The following ZZEF1 variants were observed in gnomAD, a reference collection of about 807,000 sequenced individuals.
The protein encoded by ZZEF1 is zinc finger ZZ-type and EF-hand domain-containing protein 1.
In ZZEF1, 157 loss-of-function variants were observed where a neutral mutation model predicts 342.8. The ratio of observed to expected loss-of-function variants is 0.46; its 90% confidence interval spans 0.40 to 0.52. The LOEUF is 0.52. Ranked by LOEUF, ZZEF1 falls within the 20% of genes least tolerant of loss-of-function variation. ZZEF1 has a pLI of 0.00. For synonymous variants in ZZEF1, 1,505 were observed against 1,429.1 expected (o/e 1.05, Z -1.20); for missense variants, 3,480 against 3,725.6 (o/e 0.93, Z 1.72).
At position 4,104,802 on chromosome 17, in the gene ZZEF1, A is replaced by G. The variant is rs1197228959; in HGVS notation, c.1404T>C (p.Ser468=). ...GAAGAGTCAGTTCTACCTCTGGGGT[A>G]GAACAGCAGCTATAAGCAAAGAGCA... is the stretch of plus-strand genomic sequence containing the variant. ...SFLIRITSCC[S]TPEVELTLLA... is the part of the protein sequence containing the mutation. Residue 468 remains serine (S), a synonymous_variant, in exon 8 of 55, where the codon TCT becomes TCC. Coordinates refer to ENST00000381638, the MANE Select transcript of ZZEF1 (RefSeq NM_015113.4). The G allele has an allele frequency of 6.2e-7, 1 of 1,612,602 alleles. No individual in the cohort carries two copies. Among genetic ancestry groups the G allele is most frequent in the Non-Finnish European group, 8.5e-7 (1 of 1,179,550 alleles).
intron 6 of ZZEF1, among the ~76,000 whole-genome samples, chr17:4,107,915 G>A (rs1240440094): frequency 6.6e-6 from 1 of 152,190 alleles, no homozygotes; most frequent in Non-Finnish European, 1.5e-5. Flanking sequence ...TCTTGTGTCA[G>A]AACATATGGA....
intron 37 of ZZEF1, among the ~76,000 whole-genome samples, chr17:4,047,813 C>T (rs1471680950): frequency 1.3e-4 from 20 of 148,558 alleles, no homozygotes; most frequent in African/African-American, 4.5e-4. Flanking sequence ...TGGTGGTGGG[C>T]GCCTGTAGTC....
chr17:4,100,692 G>A (rs140211755), intron 9 of ZZEF1, among the ~76,000 whole-genome samples: 137 of 152,188 alleles, frequency 9.0e-4, no homozygotes, highest in African/African-American at 3.1e-3. Flanking sequence ...GAAATTAGCC[G>A]GGCGTGGTGG....
At chr17:4,010,016 G>A (rs556327646) in intron 52 of ZZEF1, among the ~76,000 whole-genome samples, 1 of 152,246 alleles carries the variant, frequency 6.6e-6, no homozygotes, top group East Asian at 1.9e-4. Context: ...GGGGATTACT[G>A]TGCATCTTGA....
intron 39 of ZZEF1, among the ~76,000 whole-genome samples, chr17:4,036,316 T>C (rs1452209863): frequency 6.6e-6 from 1 of 152,178 alleles, no homozygotes; most frequent in African/African-American, 2.4e-5. Flanking sequence ...CATTTAAAAA[T>C]GTTTACCAGC....
chr17:4,070,624 G>A (rs1364632800), intron 26 of ZZEF1, 60 bp downstream of exon 26: 1 of 1,540,280 alleles, frequency 6.5e-7, no homozygotes, highest in Non-Finnish European at 8.8e-7. Context: ...CTTAAGATAG[G>A]CTTTCTTAAA....
At chr17:4,047,582 G>A (rs2056946913) in intron 37 of ZZEF1, among the ~76,000 whole-genome samples, 4 of 152,032 alleles carry the variant, frequency 2.6e-5, no homozygotes, top group Admixed American at 1.3e-4. Flanking sequence ...GGTGGAGGTT[G>A]CAGTGAGCCA....
At chr17:4,007,175 C>T (rs2055821642) in intron 54 of ZZEF1, among the ~76,000 whole-genome samples, 1 of 152,216 alleles carries the variant, frequency 6.6e-6, no homozygotes, top group Admixed American at 6.5e-5. Flanking sequence ...AGGTAGGAAT[C>T]ATCACTGCCC....
Position 4,014,624 on chromosome 17 carries a change from G to C in ZZEF1, c.8146-109C>G. The C allele has an allele frequency of 8.6e-7, 1 of 1,156,814 alleles. No homozygotes were observed. Among genetic ancestry groups the C allele is most frequent in the Middle Eastern group, 2.4e-4 (1 of 4,108 alleles). 71.7% of individuals were successfully genotyped at this position (1,156,814 alleles called of 1,614,324 possible). ...TGGACCCGGGTGTGTGAGAATGAGTGAACCACAGCCCTGGCCTCCAGGAGT... is the reference window on the plus strand; with the variant it reads ...TGGACCCGGGTGTGTGAGAATGAGTCAACCACAGCCCTGGCCTCCAGGAGT... On this transcript the variant is annotated intron_variant, in intron 49 of 54. Coordinates refer to ENST00000381638, the MANE Select transcript of ZZEF1 (RefSeq NM_015113.4). This position sits in a 1 kb window ranked among gnomAD's most constrained non-coding sequence, Gnocchi z 4.4.
At chr17:4,044,455 A>G in intron 37 of ZZEF1, 81 bp from the exon 38 acceptor site, 1 of 1,357,528 alleles carries the variant, frequency 7.4e-7, no homozygotes, top group South Asian at 1.4e-5. Flanking sequence ...TTTAATGATT[A>G]GCCAGTCTTC....
In ZZEF1 at chr17:4,008,917, G is replaced by A; in HGVS notation, c.8771C>T (p.Thr2924Ile). Reference protein sequence around the residue: ...GVLQDYLLALTTDDHLLRCAA... With the variant: ...GVLQDYLLALITDDHLLRCAA... ...ACAGCGGAGAAGGTGGTCGTCCGTG[G>A]TTAGGGCCAGCAGGTAATCCTGCAG... Residue 2924 changes from threonine to isoleucine, a missense_variant, in exon 54 of 55, where the codon ACC (threonine) becomes ATC (isoleucine). Coordinates refer to ENST00000381638, the MANE Select transcript of ZZEF1 (RefSeq NM_015113.4). The surrounding 1 kb of genome is among the most constrained non-coding windows in gnomAD (Gnocchi z 4.2). 6 of 1,545,388 alleles carry A rather than the reference G, an allele frequency of 3.9e-6. No individual in the cohort carries two copies. Among genetic ancestry groups the A allele is most frequent in the East Asian group, 2.4e-5 (1 of 41,118 alleles).
chr17:4,114,502 A>G, intron 3 of ZZEF1, 32 bp from the exon 4 acceptor site: 1 of 1,419,492 alleles, frequency 7.0e-7, no homozygotes, highest in East Asian at 2.6e-5. Flanking sequence ...ATTATATGAC[A>G]TCCCTTTCAC....
chr17:4,139,781 G>C (rs1173770197), intron 1 of ZZEF1, among the ~76,000 whole-genome samples: 1 of 152,194 alleles, frequency 6.6e-6, no homozygotes, highest in Non-Finnish European at 1.5e-5. Context: ...GTATGACCTA[G>C]CTATGTGAAT....
chr17:4,059,373 A>C, intron 30 of ZZEF1, 83 bp from the exon 31 acceptor site: 5 of 1,528,256 alleles, frequency 3.3e-6, no homozygotes, highest in Non-Finnish European at 4.4e-6. Context: ...TACATGAAAA[A>C]GAGCAAGTGG....
At chr17:4,051,389 G>A (rs2057042440) in intron 35 of ZZEF1, among the ~76,000 whole-genome samples, 1 of 152,094 alleles carries the variant, frequency 6.6e-6, no homozygotes, top group South Asian at 2.1e-4. Context: ...TATGTAGGAA[G>A]GAAATAATTT....
At chr17:4,106,726 T>G (rs1190599239) in intron 6 of ZZEF1, among the ~76,000 whole-genome samples, 1 of 152,286 alleles carries the variant, frequency 6.6e-6, no homozygotes, top group East Asian at 1.9e-4. Context: ...CATCAAAAAT[T>G]TACGCAACAA....
intron 4 of ZZEF1, among the ~76,000 whole-genome samples, chr17:4,113,727 A>C (rs2058351089): frequency 6.6e-6 from 1 of 152,034 alleles, no homozygotes; most frequent in Non-Finnish European, 1.5e-5. Flanking sequence ...TAAACCCAAC[A>C]CTTTGGGAGG....
chr17:4,125,749 A>C (rs1455211105), intron 1 of ZZEF1, among the ~76,000 whole-genome samples: 1 of 152,232 alleles, frequency 6.6e-6, no homozygotes, highest in Non-Finnish European at 1.5e-5. Flanking sequence ...GACAGAAAGA[A>C]GACTAGAAAC....
At chr17:4,086,431 G>C in intron 15 of ZZEF1, 55 bp downstream of exon 15, 2 of 1,579,256 alleles carry the variant, frequency 1.3e-6, no homozygotes, top group African/African-American at 1.4e-5. Flanking sequence ...TATAGCAAGA[G>C]GCCCTTCACG....
Sources: allele counts gnomAD v4.1 joint callset (sites outside exome capture counted in the v4.1 genomes callset), GRCh38; gene constraint gnomAD v4.1.1; non-coding constraint Gnocchi (gnomAD v3.1); transcripts MANE v1.5; gene names NCBI Gene and HGNC (gene_info 2026-07-23, HGNC 2026-07-21).